TBXAS1: variants seen among roughly 807,000 people sequenced by gnomAD.
TBXAS1 encodes the protein thromboxane A synthase 1.
Under a neutral mutation model 60.7 loss-of-function variants are expected in TBXAS1, and 48 were observed. That is an observed-to-expected ratio of 0.79 (90% CI 0.63 to 1.01). TBXAS1 has a LOEUF of 1.01. Ranked by LOEUF, TBXAS1 falls within the 50% of genes least tolerant of loss-of-function variation. TBXAS1 has a pLI of 0.00. For synonymous variants in TBXAS1, 287 were observed against 269.7 expected (o/e 1.06, Z -0.63); for missense variants, 685 against 686.3 (o/e 1.00, Z 0.02).
At chr7:140,015,992 T>G in intron 11 of TBXAS1, 132 bp downstream of exon 11, 1 of 1,269,666 alleles carries the variant, frequency 7.9e-7, no homozygotes, top group Non-Finnish European at 1.1e-6. Context: ...TTATGGCAAT[T>G]CAGATAGATG....
intron 2 of TBXAS1, among the ~76,000 whole-genome samples, 174 bp from the exon 3 acceptor site, chr7:139,875,411 T>A (rs1043527857): frequency 2.0e-5 from 3 of 152,250 alleles, no homozygotes; most frequent in Admixed American, 1.3e-4. Context: ...CAATTTTTTT[T>A]AAAGCCTTTT....
intron 5 of TBXAS1, among the ~76,000 whole-genome samples, chr7:139,953,050 A>C (rs1170647971): frequency 6.6e-6 from 1 of 152,242 alleles, no homozygotes; most frequent in Non-Finnish European, 1.5e-5. Flanking sequence ...CATGAAACTG[A>C]GTACTGATTC....
intron 4 of TBXAS1, among the ~76,000 whole-genome samples, chr7:139,793,354 A>T (rs1438024328): frequency 6.6e-6 from 1 of 152,102 alleles, no homozygotes; most frequent in Non-Finnish European, 1.5e-5. Context: ...TGGGAGGTGG[A>T]GGTTGCAGTG....
intron 4 of TBXAS1, among the ~76,000 whole-genome samples, chr7:139,788,815 A>G (rs979772206): frequency 2.0e-5 from 3 of 152,244 alleles, no homozygotes; most frequent in African/African-American, 7.2e-5. Context: ...AACAGTTAAT[A>G]CAAAATATGT....
intron 4 of TBXAS1, among the ~76,000 whole-genome samples, chr7:139,805,737 T>C: frequency 7.7e-6 from 1 of 130,442 alleles, no homozygotes. Context: ...TCTCTTTCTT[T>C]CTTTCTTTCT....
intron 9 of TBXAS1, among the ~76,000 whole-genome samples, chr7:139,970,457 C>T (rs1811117073): frequency 6.6e-6 from 1 of 152,258 alleles, no homozygotes; most frequent in Non-Finnish European, 1.5e-5. Flanking sequence ...ACAGCCAGTC[C>T]ATGGCCCACA....
At chr7:139,795,623 T>G (rs1797544749) in intron 4 of TBXAS1, among the ~76,000 whole-genome samples, 1 of 149,036 alleles carries the variant, frequency 6.7e-6, no homozygotes, top group Non-Finnish European at 1.5e-5. Flanking sequence ...TGCCTAGGTT[T>G]TCTTCTAGGG....
At chr7:139,869,258 T>A (rs1801650551) in intron 1 of TBXAS1, among the ~76,000 whole-genome samples, 1 of 152,210 alleles carries the variant, frequency 6.6e-6, no homozygotes, top group Non-Finnish European at 1.5e-5. Flanking sequence ...TGGCTTGCAG[T>A]GGCCTGACAC....
intron 4 of TBXAS1, among the ~76,000 whole-genome samples, chr7:139,922,489 T>C (rs949192430): frequency 1.3e-5 from 2 of 152,306 alleles, no homozygotes; most frequent in African/African-American, 4.8e-5. Context: ...CCCCCACTTT[T>C]ATTTTAAGGT....
At chr7:140,017,213 C>T (rs537150017) in intron 11 of TBXAS1, among the ~76,000 whole-genome samples, 1 of 152,304 alleles carries the variant, frequency 6.6e-6, no homozygotes, top group Non-Finnish European at 1.5e-5. Flanking sequence ...CAGGACACGC[C>T]CCCCAGGGAG....
At chr7:139,793,026 A>G (rs1016001055) in intron 4 of TBXAS1, among the ~76,000 whole-genome samples, 5 of 152,210 alleles carry the variant, frequency 3.3e-5, no homozygotes, top group African/African-American at 1.2e-4. Flanking sequence ...GTTTTTAGAT[A>G]TGTAATTGAA....
At chr7:139,908,570 G>C (rs1805284537) in intron 3 of TBXAS1, among the ~76,000 whole-genome samples, 1 of 152,066 alleles carries the variant, frequency 6.6e-6, no homozygotes, top group South Asian at 2.1e-4. Context: ...ACCATTTTGA[G>C]TGATATGTAG....
At chr7:139,937,892 G>A (rs190439648) in intron 5 of TBXAS1, among the ~76,000 whole-genome samples, 1 of 151,778 alleles carries the variant, frequency 6.6e-6, no homozygotes, top group African/African-American at 2.4e-5. Flanking sequence ...TGCAGGAAGG[G>A]GAAGTGTAGC....
At position 139,958,580 on chromosome 7, in the gene TBXAS1, A is replaced by G. The variant is rs371934287; in HGVS notation, c.819+816A>G. ...TGCAACTTTAAAAGGGTTGTCTCAA[A>G]GACTGGATGGCTCAGAGGAATTGGT... is the stretch of plus-strand genomic sequence containing the variant. On this transcript the variant is annotated intron_variant, in intron 8 of 12. Transcript: ENST00000448866. Among the ~76,000 whole-genome samples, 15 of 152,360 alleles carry G rather than the reference A, an allele frequency of 9.8e-5. No individual in the cohort carries two copies. In the East Asian group the frequency reaches 1.2e-3, roughly 12 times the overall value.
intron 4 of TBXAS1, among the ~76,000 whole-genome samples, chr7:139,927,531 T>C (rs1806988817): frequency 6.6e-6 from 1 of 152,186 alleles, no homozygotes; most frequent in African/African-American, 2.4e-5. Flanking sequence ...TGGTTAATCT[T>C]TTCATCTTTC....
Position 140,002,561 on chromosome 7 carries a change from T to A in TBXAS1, c.1135-4530T>A, listed in dbSNP as rs369707754. On this transcript the variant is annotated intron_variant, in intron 9 of 12. Coordinates refer to ENST00000448866, the MANE Select transcript of TBXAS1 (RefSeq NM_001061.7). ...AGCAACTGCTGGGTGGACCAGCCAG[T>A]GAGTGGGATAGGGACTTGAGTTTTG... Among the ~76,000 whole-genome samples, 14 of 152,244 alleles carry A rather than the reference T, an allele frequency of 9.2e-5. No individual in the cohort carries two copies. The East Asian group carries it at 2.7e-3, about 29-fold the overall frequency.
At chr7:140,014,456 G>T (rs1814860494) in intron 10 of TBXAS1, among the ~76,000 whole-genome samples, 1 of 152,176 alleles carries the variant, frequency 6.6e-6, no homozygotes, top group South Asian at 2.1e-4. Flanking sequence ...AGTTGAATCT[G>T]GGAGGGCAGA....
At chr7:140,016,010 G>A (rs1815013309) in intron 11 of TBXAS1, 150 bp downstream of exon 11, 1 of 1,186,694 alleles carries the variant, frequency 8.4e-7, no homozygotes, top group Admixed American at 2.0e-5. Flanking sequence ...ATGTTTGCAA[G>A]ACATAATTTC....
intron 12 of TBXAS1, among the ~76,000 whole-genome samples, chr7:140,018,495 G>C (rs1300681594): frequency 6.6e-6 from 1 of 152,060 alleles, no homozygotes; most frequent in South Asian, 2.1e-4. Context: ...CACAGACCCT[G>C]TCCTCACCCA....
Sources: allele counts gnomAD v4.1 joint callset (sites outside exome capture counted in the v4.1 genomes callset), GRCh38; gene constraint gnomAD v4.1.1; transcripts MANE v1.5; gene names NCBI Gene and HGNC (gene_info 2026-07-23, HGNC 2026-07-21).